ZNF221: variants seen among roughly 807,000 people sequenced by gnomAD.
The protein encoded by ZNF221 is zinc finger protein 221.
In ZNF221, 10 loss-of-function variants were observed where a neutral mutation model predicts 12.6. That is an observed-to-expected ratio of 0.79 (90% CI 0.49 to 1.34). ZNF221 has a LOEUF of 1.34. ZNF221 is among the 40% of genes most tolerant of loss of function. ZNF221 has a pLI of 0.00. For synonymous variants in ZNF221, 232 were observed against 244.0 expected, an observed-to-expected ratio of 0.95 and a Z score of 0.46; for missense variants, 661 against 721.4, an observed-to-expected ratio of 0.92 and a Z score of 0.96.
the ZNF221 span, among the ~76,000 whole-genome samples, chr19:43,974,231 CAA>C: frequency 0.96 from 146,727 of 152,174 alleles, 70,959 homozygotes; most frequent in Middle Eastern, 1. Flanking sequence ...CCCTTCCTTA[CAA>C]ACATTATACA....
chr19:43,958,425 A>G (rs1858197643), intron 1 of ZNF221, among the ~76,000 whole-genome samples: 1 of 152,180 alleles, frequency 6.6e-6, no homozygotes, highest in South Asian at 2.1e-4. Flanking sequence ...GGGGTATCCC[A>G]CCGAGCATTT....
chr19:43,975,031 A>G, the ZNF221 span, among the ~76,000 whole-genome samples: 4 of 152,152 alleles, frequency 2.6e-5, no homozygotes, highest in African/African-American at 9.7e-5. Context: ...CAAAAAAAAA[A>G]AAAGTCAAAA....
chr19:43,973,101 T>C, the ZNF221 span, among the ~76,000 whole-genome samples: 1 of 152,166 alleles, frequency 6.6e-6, no homozygotes, highest in African/African-American at 2.4e-5. Context: ...GTTCAACATA[T>C]GCAAATCAAT....
rs747471100 is a variant in ZNF221 at position 43,967,114 on chromosome 19, C to A, written c.1612C>A (p.Gln538Lys). The change falls in exon 5 of 5, where the codon CAG becomes AAG. Residue 538 changes from glutamine to lysine, a missense_variant. By Grantham distance (53) the Gln-to-Lys change is moderately conservative (BLOSUM62 1). Transcript: ENST00000587682. Reference sequence around the variant, plus strand: ...TGGAGAAAAGCTATACAAATGTGAGCAGTGTGAGAAGGGGTACAACAGTAA... The same window carrying A: ...TGGAGAAAAGCTATACAAATGTGAGAAGTGTGAGAAGGGGTACAACAGTAA... The part of the protein sequence containing the change: ...HTGEKLYKCE[Q>K]CEKGYNSKFN... 3.7e-5 allele frequency: 59 copies of A among 1,593,494 alleles called. No homozygotes were observed. Among genetic ancestry groups the A allele is most frequent in the Non-Finnish European group, 4.9e-5 (57 of 1,167,720 alleles).
chr19:43,963,743 A>G (rs1291160936), intron 2 of ZNF221, among the ~76,000 whole-genome samples: 1 of 152,224 alleles, frequency 6.6e-6, no homozygotes, highest in African/African-American at 2.4e-5. Flanking sequence ...ATAGGCAACC[A>G]AGGTCAGGAA....
chr19:43,973,954 G>A, the ZNF221 span, among the ~76,000 whole-genome samples: 1 of 152,016 alleles, frequency 6.6e-6, no homozygotes, highest in Non-Finnish European at 1.5e-5. Context: ...ACAATTCTAA[G>A]CAAAAAAGAA....
chr19:43,965,713 T>C (rs1283710280), intron 4 of ZNF221, 91 bp from the exon 5 acceptor site: 2 of 1,210,528 alleles, frequency 1.7e-6, no homozygotes, highest in African/African-American at 3.0e-5. Context: ...CTGTTTTCAT[T>C]AAAGTTTAAT....
rs765246628 is a variant in ZNF221 at position 43,967,032 on chromosome 19, G to C, written c.1530G>C (p.Glu510Asp). 2 of 1,597,718 alleles carry C rather than the reference G, an allele frequency of 1.3e-6. No individual in the cohort carries two copies. The highest frequency in any genetic ancestry group is 2.2e-5 in the South Asian group (2 of 89,546). Residue 510 changes from glutamate to aspartate, a missense_variant, in exon 5 of 5, where the codon GAG (glutamate) becomes GAC (aspartate). Physicochemically the swap from Glu to Asp is conservative, Grantham distance 45. Coordinates refer to ENST00000587682, the MANE Select transcript of ZNF221 (RefSeq NM_001297588.2). ...GGGAAAAACCTTTCAAATGTGAAGA[G>C]TGTGGAAAGAGATTTACTCAGAGTT... ...HSGEKPFKCEECGKRFTQSSQ... is the reference protein window; with the variant it reads ...HSGEKPFKCEDCGKRFTQSSQ...
rs760415786 is a variant in ZNF221, at chr19:43,966,072, A to G, written c.570A>G (p.Gln190=). 6.8e-6 allele frequency: 11 copies of G among 1,614,250 alleles called. No homozygotes were observed. Among genetic ancestry groups the G allele is most frequent in the African/African-American group, 6.7e-5 (5 of 75,068 alleles). ...SDVSVFDLHQ[Q]SHSGEKSHTC... is the part of the protein sequence containing the mutation. ...TTTCTGTCTTTGATCTTCATCAACA[A>G]TCACACTCAGGAGAGAAATCTCATA... The change falls in exon 5 of 5, where the codon CAA becomes CAG. Residue 190 remains glutamine (Q), a synonymous_variant. Transcript: ENST00000587682.
Position 43,965,060 on chromosome 19 carries a change from G to A in ZNF221, c.192G>A (p.Arg64=), listed in dbSNP as rs776040158. ...GAGATGTGATGCTAGAGAACTTCAGGAACCTGCTCTCAGTAGGTGAGGACA... is the reference window on the plus strand; with the variant it reads ...GAGATGTGATGCTAGAGAACTTCAGAAACCTGCTCTCAGTAGGTGAGGACA... ...LYRDVMLENF[R]NLLSVGNQPF... The change falls in exon 3 of 5, where the codon AGG becomes AGA. Residue 64 remains arginine, a synonymous_variant. Coordinates refer to ENST00000587682, the MANE Select transcript of ZNF221 (RefSeq NM_001297588.2). 8.7e-6 allele frequency: 14 copies of A among 1,614,126 alleles called. No homozygotes were observed. The South Asian group carries it at 1.4e-4, about 16-fold the overall frequency.
At chr19:43,956,133 T>G (rs1974750355) in intron 1 of ZNF221, among the ~76,000 whole-genome samples, 1 of 152,204 alleles carries the variant, frequency 6.6e-6, no homozygotes, top group African/African-American at 2.4e-5. Flanking sequence ...CACAGGCTTC[T>G]GTCATAAGCC....
intron 1 of ZNF221, among the ~76,000 whole-genome samples, chr19:43,953,453 G>A (rs757433576): frequency 6.6e-6 from 1 of 152,006 alleles, no homozygotes; most frequent in Non-Finnish European, 1.5e-5. Flanking sequence ...GGTTTTTTAT[G>A]GAAACTTCAT....
At chr19:43,972,125 T>G (rs1182531068), downstream of ZNF221, among the ~76,000 whole-genome samples, 2 of 152,226 alleles carry the variant, frequency 1.3e-5, no homozygotes, top group Admixed American at 6.5e-5. Context: ...AAAATGAAAT[T>G]AACTCAGAAC....
In ZNF221 at chr19:43,966,350, A is replaced by T. The variant is rs751111140; in HGVS notation, c.848A>T (p.Asn283Ile). Residue 283 changes from asparagine to isoleucine, a missense_variant, in exon 5 of 5, where the codon AAT (asparagine) becomes ATT (isoleucine). Physicochemically the swap from Asn to Ile is moderately radical, Grantham distance 149. Transcript: ENST00000587682. ...CKLHTGEKPY[N>I]CEECGKAFIH... ...TTGCACACAGGAGAGAAACCTTATAATTGTGAGGAATGTGGGAAAGCCTTC... is the reference window on the plus strand; with the variant it reads ...TTGCACACAGGAGAGAAACCTTATATTTGTGAGGAATGTGGGAAAGCCTTC... 6.2e-7 allele frequency: 1 copy of T among 1,614,186 alleles called. No homozygotes were observed. Among genetic ancestry groups the T allele is most frequent in the Non-Finnish European group, 8.5e-7 (1 of 1,180,020 alleles).
At chr19:43,955,617 G>T (rs754909655) in intron 1 of ZNF221, among the ~76,000 whole-genome samples, 9 of 152,132 alleles carry the variant, frequency 5.9e-5, no homozygotes, top group Non-Finnish European at 1.0e-4. Flanking sequence ...TGAGTGTATG[G>T]CCAGGCCATT....
chr19:43,955,451 G>T (rs766223431), intron 1 of ZNF221, among the ~76,000 whole-genome samples: 13 of 152,152 alleles, frequency 8.5e-5, no homozygotes, highest in Non-Finnish European at 1.8e-4. Context: ...GAGCACATGG[G>T]GATATCTGCT....
intron 3 of ZNF221, 52 bp from the exon 4 acceptor site, chr19:43,965,181 T>C: frequency 6.3e-7 from 1 of 1,593,128 alleles, no homozygotes; most frequent in Non-Finnish European, 8.6e-7. Context: ...AAATTTTCCC[T>C]AGATATTACC....
chr19:43,971,870 G>A (rs557442697), downstream of ZNF221, among the ~76,000 whole-genome samples: 14 of 152,236 alleles, frequency 9.2e-5, no homozygotes, highest in South Asian at 1.0e-3. Flanking sequence ...AATTAACAAA[G>A]ATGTTGAGGA....
chr19:43,979,421 A>G, the ZNF221 span, among the ~76,000 whole-genome samples: 1 of 54,042 alleles, frequency 1.9e-5, no homozygotes, highest in Admixed American at 2.4e-4. Context: ...AAACAGTAAT[A>G]CATATATATA....
Sources: gnomAD v4.1 joint callset for allele counts (sites outside exome capture counted in the v4.1 genomes callset) on GRCh38, gnomAD v4.1.1 for gene constraint, MANE v1.5 for transcripts, NCBI Gene and HGNC (gene_info 2026-07-23, HGNC 2026-07-21) for gene names.